SNX29: variants seen among roughly 807,000 people sequenced by gnomAD.
The protein encoded by SNX29 is sorting nexin 29.
Under a neutral mutation model 102.1 loss-of-function variants are expected in SNX29, and 78 were observed. The observed-to-expected ratio is 0.76, with a 90% CI of 0.64 to 0.92. The LOEUF (loss-of-function observed/expected upper bound fraction) is 0.92. Ranked by LOEUF, SNX29 falls within the 40% of genes least tolerant of loss-of-function variation. SNX29 has a pLI of 0.00. For synonymous variants in SNX29, 580 were observed against 414.5 expected (o/e 1.40, Z -4.85); for missense variants, 1,280 against 1,061.7 (o/e 1.21, Z -2.86).
chr16:12,408,460 C>T (rs975043671), intron 18 of SNX29, among the ~76,000 whole-genome samples: 16 of 152,250 alleles, frequency 1.1e-4, no homozygotes, highest in Non-Finnish European at 4.4e-5. Context: ...TGTGGCCGTC[C>T]AGTATCTCAG....
At chr16:12,069,566 T>C (rs1166232527) in intron 10 of SNX29, among the ~76,000 whole-genome samples, 1 of 151,578 alleles carries the variant, frequency 6.6e-6, no homozygotes, top group Non-Finnish European at 1.5e-5. Flanking sequence ...ATTTAGTCTT[T>C]ACATCACAGA....
chr16:12,178,874 A>AT, intron 13 of SNX29, among the ~76,000 whole-genome samples: 1 of 152,086 alleles, frequency 6.6e-6, no homozygotes, highest in East Asian at 1.9e-4. Context: ...ATAGTGTATT[A>AT]TTTTTCTGAG....
At chr16:12,204,804 T>A (rs183794803) in intron 14 of SNX29, among the ~76,000 whole-genome samples, 2 of 152,386 alleles carry the variant, frequency 1.3e-5, no homozygotes, top group African/African-American at 2.4e-5. Flanking sequence ...CACACCCACA[T>A]GTGCTTCGTG....
intron 14 of SNX29, among the ~76,000 whole-genome samples, chr16:12,220,205 G>A (rs1474828413): frequency 2.6e-5 from 4 of 152,112 alleles, no homozygotes; most frequent in Non-Finnish European, 4.4e-5. Context: ...GGTGTGGCTG[G>A]ATCCAGGTGC....
chr16:12,433,643 AAAAAAAAG>A (rs869203884), intron 18 of SNX29, among the ~76,000 whole-genome samples: 3,285 of 132,742 alleles, frequency 0.025, 152 homozygotes, highest in African/African-American at 0.085. Context: ...AAAAAAAAAA[AAAAAAAAG>A]GAAACTTAGC....
At chr16:12,031,745 C>T (rs541374630) in intron 4 of SNX29, among the ~76,000 whole-genome samples, 4 of 152,128 alleles carry the variant, frequency 2.6e-5, no homozygotes, top group Admixed American at 2.6e-4. Flanking sequence ...GCGGAGCTTG[C>T]AGTGAGCCGA....
At chr16:12,310,006 G>A (rs984497224) in intron 15 of SNX29, among the ~76,000 whole-genome samples, 4 of 151,412 alleles carry the variant, frequency 2.6e-5, no homozygotes, top group African/African-American at 4.9e-5. Flanking sequence ...AAACACAGAC[G>A]TGTGCACGCA....
chr16:12,268,690 A>G (rs1447682039), intron 14 of SNX29, among the ~76,000 whole-genome samples: 1 of 152,224 alleles, frequency 6.6e-6, no homozygotes, highest in African/African-American at 2.4e-5. Flanking sequence ...AATGTCCTGG[A>G]AAACCATCTC....
chr16:12,538,148 C>G (rs916303618), intron 20 of SNX29, among the ~76,000 whole-genome samples: 3 of 151,974 alleles, frequency 2.0e-5, no homozygotes, highest in Non-Finnish European at 4.4e-5. Flanking sequence ...CGGAGTCTCA[C>G]TCTGTCACCC....
At chr16:12,423,768 C>T (rs1027034745) in intron 18 of SNX29, among the ~76,000 whole-genome samples, 4 of 152,154 alleles carry the variant, frequency 2.6e-5, no homozygotes, top group African/African-American at 4.8e-5. Flanking sequence ...GATGGGGTTT[C>T]GCTATGTTGG....
Position 12,573,220 on chromosome 16 carries a change from G to T in SNX29, c.*4591G>T, listed in dbSNP as rs1301330445. 1 of 226,522 alleles carries T rather than the reference G, an allele frequency of 4.4e-6. No homozygotes were observed. Among genetic ancestry groups the T allele is most frequent in the Non-Finnish European group, 8.8e-6 (1 of 113,982 alleles). The allele number at this position is 226,522 out of a possible 1,614,324, so 14.0% of individuals were successfully genotyped here. ...GGCTCTAGGCAGACCGGATCCCGCAGTTCATCCCATGGTTGTTGAAATGTA... is the reference window on the plus strand; with the variant it reads ...GGCTCTAGGCAGACCGGATCCCGCATTTCATCCCATGGTTGTTGAAATGTA... On this transcript the variant is annotated 3_prime_UTR_variant, in exon 21 of 21. Transcript: ENST00000566228.
chr16:12,405,458 G>A (rs932779138), intron 18 of SNX29, among the ~76,000 whole-genome samples: 1 of 152,192 alleles, frequency 6.6e-6, no homozygotes, highest in Non-Finnish European at 1.5e-5. Context: ...CTCAGGCCTG[G>A]CCGCTCTGCA....
intron 11 of SNX29, among the ~76,000 whole-genome samples, chr16:12,088,805 G>C (rs925209392): frequency 1.3e-5 from 2 of 152,116 alleles, no homozygotes; most frequent in Non-Finnish European, 2.9e-5. Context: ...TTAAAAATTG[G>C]CCAGGTGCAG....
At chr16:12,507,289 T>C (rs1450563041) in intron 19 of SNX29, among the ~76,000 whole-genome samples, 1 of 152,222 alleles carries the variant, frequency 6.6e-6, no homozygotes, top group Non-Finnish European at 1.5e-5. Flanking sequence ...CCTCAGTAGA[T>C]GCGAGCTGCT....
intron 13 of SNX29, among the ~76,000 whole-genome samples, chr16:12,160,632 T>C (rs969041005): frequency 1.3e-5 from 2 of 152,182 alleles, no homozygotes; most frequent in Admixed American, 1.3e-4. Context: ...GATCTCTTCA[T>C]AGAATTGTTG....
intron 13 of SNX29, among the ~76,000 whole-genome samples, chr16:12,167,971 C>A (rs948947851): frequency 6.6e-6 from 1 of 152,210 alleles, no homozygotes; most frequent in African/African-American, 2.4e-5. Context: ...TCACCTGGCA[C>A]CCTGTTCTGG....
At chr16:12,446,727 A>G (rs1233343369) in intron 18 of SNX29, among the ~76,000 whole-genome samples, 7 of 152,184 alleles carry the variant, frequency 4.6e-5, no homozygotes, top group East Asian at 1.9e-4. Context: ...TGAGGATTAA[A>G]TGATTTAACC....
intron 5 of SNX29, among the ~76,000 whole-genome samples, chr16:12,045,388 A>G (rs905073545): frequency 7.6e-6 from 1 of 132,156 alleles, no homozygotes; most frequent in African/African-American, 2.7e-5. Context: ...TTTGGTTGCC[A>G]TTACTTAACA....
chr16:12,489,426 A>C (rs1192754694), intron 19 of SNX29, among the ~76,000 whole-genome samples: 1 of 152,102 alleles, frequency 6.6e-6, no homozygotes, highest in African/African-American at 2.4e-5. Context: ...GGCCACTTGC[A>C]TCTTTAGAAA....
Sources: gnomAD v4.1 joint callset for allele counts (sites outside exome capture counted in the v4.1 genomes callset) on GRCh38, gnomAD v4.1.1 for gene constraint, MANE v1.5 for transcripts, NCBI Gene and HGNC (gene_info 2026-07-23, HGNC 2026-07-21) for gene names.